The following KATNAL2 variants were observed in gnomAD, a reference collection of about 807,000 sequenced individuals.
KATNAL2 encodes katanin catalytic subunit A1 like 2.
KATNAL2 carries 52 observed loss-of-function variants against 76.3 expected under a neutral mutation model. The ratio of observed to expected loss-of-function variants is 0.68; its 90% CI spans 0.55 to 0.86. The LOEUF (loss-of-function observed/expected upper bound fraction) is 0.86, where lower values mean the gene tolerates loss of function less well. KATNAL2 is among the 40% of genes least tolerant of loss of function. The pLI is 0.00. For synonymous variants in KATNAL2, 243 were observed against 244.2 expected, an observed-to-expected ratio of 1.00 and a Z score of 0.05; for missense variants, 660 against 668.9, an observed-to-expected ratio of 0.99 and a Z score of 0.15.
intron 3 of KATNAL2, among the ~76,000 whole-genome samples, chr18:46,947,575 C>T (rs1375059660): frequency 6.6e-6 from 1 of 151,790 alleles, no homozygotes; most frequent in Non-Finnish European, 1.5e-5. Context: ...ATAAAAACAA[C>T]GTGGGGGCGG....
chr18:47,067,569 C>T, intron 11 of KATNAL2, among the ~76,000 whole-genome samples: 1 of 152,148 alleles, frequency 6.6e-6, no homozygotes, highest in East Asian at 1.9e-4. Flanking sequence ...ACTAGACAGC[C>T]CCTTCCAGGG....
chr18:47,034,744 C>A lies in KATNAL2; in HGVS notation c.52-11713C>A, dbSNP rs765737351. 4.3e-6 allele frequency: 7 copies of A among 1,612,684 alleles called. No individual in the cohort carries two copies. In the African/African-American group the frequency reaches 5.3e-5, roughly 12 times the overall value. ...CTCGGGCATCCGGAGGGGAGCTGTG[C>A]GCGTTGGAGAGGCCCGATAGCGGCC... On this transcript the variant is annotated intron_variant, in intron 3 of 17. Coordinates refer to ENST00000683218, the MANE Select transcript of KATNAL2 (RefSeq NM_001387690.1).
At chr18:47,059,696 CT>C (rs1173430594) in intron 8 of KATNAL2, 42 bp downstream of exon 8, 7 of 1,311,732 alleles carry the variant, frequency 5.3e-6, no homozygotes, top group South Asian at 2.4e-5. Flanking sequence ...GTGGTAATTT[CT>C]TTTTCCTTTT....
intron 15 of KATNAL2, among the ~76,000 whole-genome samples, chr18:47,090,299 G>T (rs570725624): frequency 6.6e-6 from 1 of 151,984 alleles, no homozygotes; most frequent in African/African-American, 2.4e-5. Flanking sequence ...TAGAGACAGG[G>T]TTTCACCATG....
chr18:47,043,466 A>G (rs1360525982), intron 3 of KATNAL2, among the ~76,000 whole-genome samples: 20 of 152,188 alleles, frequency 1.3e-4, no homozygotes. Flanking sequence ...CGAAGAAAAG[A>G]GGTTTAATTG....
intron 3 of KATNAL2, among the ~76,000 whole-genome samples, chr18:47,037,981 G>A (rs1048280377): frequency 2.6e-5 from 4 of 151,898 alleles, no homozygotes; most frequent in African/African-American, 7.3e-5. Context: ...CACAGTGCCC[G>A]ACCATGAAAA....
At chr18:46,925,460 G>C (rs569947949) in intron 1 of KATNAL2, among the ~76,000 whole-genome samples, 1 of 152,274 alleles carries the variant, frequency 6.6e-6, no homozygotes, top group African/African-American at 2.4e-5. Flanking sequence ...TAAGCTTTTT[G>C]ATATGCTGCT....
Position 46,946,866 on chromosome 18 carries a change from G to GT in KATNAL2, c.-6dup. The stretch of plus-strand genomic sequence containing the variant: ...CTCCCTTCTCTAGGGTCCTAGCACA[G>GT]TGTCTGATGGAGCTTTCCTACCAGA... On this transcript the variant is annotated 5_prime_UTR_variant, in exon 3 of 18. Transcript: ENST00000683218. The GT allele has an allele frequency of 6.5e-7, 1 of 1,535,904 alleles. No individual in the cohort carries two copies. The highest frequency in any genetic ancestry group is 1.2e-5 in the South Asian group (1 of 84,054).
At chr18:46,933,599 AT>A (rs1366084451) in intron 1 of KATNAL2, among the ~76,000 whole-genome samples, 2 of 152,058 alleles carry the variant, frequency 1.3e-5, no homozygotes, top group Admixed American at 6.6e-5. Context: ...TATCTCCACA[AT>A]AAGGTATCAT....
intron 15 of KATNAL2, chr18:47,098,279 A>G: frequency 3.0e-6 from 1 of 328,518 alleles, no homozygotes; most frequent in Non-Finnish European, 6.0e-6. Flanking sequence ...CATATCCAAG[A>G]CTGGGAAGAA....
intron 15 of KATNAL2, among the ~76,000 whole-genome samples, chr18:47,095,758 C>G (rs2063206274): frequency 6.6e-6 from 1 of 152,160 alleles, no homozygotes; most frequent in African/African-American, 2.4e-5. Context: ...TGGGTGCTGA[C>G]CAGTCAAGGG....
chr18:46,961,358 A>T (rs1421233439), intron 3 of KATNAL2, among the ~76,000 whole-genome samples: 7 of 152,192 alleles, frequency 4.6e-5, no homozygotes, highest in Non-Finnish European at 1.0e-4. Context: ...AATCTCACTT[A>T]TTATGGGGAG....
At chr18:46,945,590 T>C (rs1232570099) in intron 1 of KATNAL2, among the ~76,000 whole-genome samples, 2 of 152,202 alleles carry the variant, frequency 1.3e-5, no homozygotes, top group Non-Finnish European at 1.5e-5. Flanking sequence ...GAGCACTGGC[T>C]TCAGTCAGGA....
At chr18:46,948,406 C>T (rs997473990) in intron 3 of KATNAL2, among the ~76,000 whole-genome samples, 2 of 151,006 alleles carry the variant, frequency 1.3e-5, no homozygotes, top group African/African-American at 2.4e-5. Flanking sequence ...ACCAACATGC[C>T]TGGCCGACTT....
At chr18:47,084,231 T>A in intron 15 of KATNAL2, 1 of 647,662 alleles carries the variant, frequency 1.5e-6, no homozygotes, top group Non-Finnish European at 2.8e-6. Context: ...GTTAACCTAC[T>A]TCTTCCTACA....
chr18:47,043,245 A>AAAAAAACAAAAAAAAAAAAAAT (rs376877321), intron 3 of KATNAL2, among the ~76,000 whole-genome samples: 1 of 93,176 alleles, frequency 1.1e-5, no homozygotes, highest in Non-Finnish European at 2.1e-5. Flanking sequence ...AAAAAAAAAA[A>AAAAAAACAAAAAAAAAAAAAAT]GAGATCCTAA....
At chr18:47,096,358 T>G (rs188419399) in intron 15 of KATNAL2, among the ~76,000 whole-genome samples, 1 of 152,324 alleles carries the variant, frequency 6.6e-6, no homozygotes, top group Admixed American at 6.5e-5. Flanking sequence ...AAAATTTTAT[T>G]TTTTAAAAAA....
intron 15 of KATNAL2, among the ~76,000 whole-genome samples, chr18:47,092,087 G>A (rs2063025552): frequency 1.5e-5 from 2 of 132,194 alleles, no homozygotes; most frequent in Non-Finnish European, 3.5e-5. Flanking sequence ...TAAGGAAGAG[G>A]GCATCTTGTT....
intron 1 of KATNAL2, among the ~76,000 whole-genome samples, chr18:46,929,330 C>T (rs2058833903): frequency 1.3e-5 from 2 of 151,998 alleles, no homozygotes; most frequent in Non-Finnish European, 2.9e-5. Flanking sequence ...GCAACCTCCA[C>T]CTTCTGGGTT....
Sources: gnomAD v4.1 joint callset for allele counts (sites outside exome capture counted in the v4.1 genomes callset) on GRCh38, gnomAD v4.1.1 for gene constraint, MANE v1.5 for transcripts, NCBI Gene and HGNC (gene_info 2026-07-23, HGNC 2026-07-21) for gene names.